SUB1: variants seen among roughly 807,000 people sequenced by gnomAD.
The protein encoded by SUB1 is activated RNA polymerase II transcriptional coactivator p15.
In SUB1, 1 loss-of-function variant was observed where a neutral mutation model predicts 16.9. The observed-to-expected ratio is 0.06, with a 90% confidence interval of 0.02 to 0.28. The LOEUF (loss-of-function observed/expected upper bound fraction) is 0.28. SUB1 is among the 10% of genes least tolerant of loss of function. SUB1 has a pLI of 1.00. For missense variants in SUB1, 84 were observed against 145.2 expected (o/e 0.58, Z 2.16); for synonymous variants, 51 against 46.9 (o/e 1.09, Z -0.36).
rs1739121241 is a variant in SUB1 at position 32,601,795 on chromosome 5, C to T, written c.*711C>T. 6.5e-6 allele frequency: 1 copy of T among 154,856 alleles called. No homozygotes were observed. The highest frequency in any genetic ancestry group is 6.3e-5 in the Admixed American group (1 of 15,846). 9.6% of individuals were successfully genotyped at this position (154,856 alleles called of 1,614,324 possible). ...GAAAACTGAGCAGGTGTTTGTTTAC[C>T]CATAGTGTTCTGTGTAGTTATTGCT... On this transcript the variant is annotated 3_prime_UTR_variant, in exon 5 of 5. Coordinates refer to ENST00000265073, the MANE Select transcript of SUB1 (RefSeq NM_006713.4).
rs1019282470 is a variant in SUB1 at position 32,603,814 on chromosome 5, T to G, written c.*2730T>G. ...GTTTGAAATTTTTAAAAAGTAAAAG[T>G]ACTTAAATTTAGGTATCTCTCCTGA... On this transcript the variant is annotated 3_prime_UTR_variant, in exon 5 of 5. Transcript: ENST00000265073. The G allele has an allele frequency of 7.2e-5, 11 of 152,204 alleles. No individual in the cohort carries two copies. The highest frequency in any genetic ancestry group is 2.4e-4 in the African/African-American group (10 of 41,458). 9.4% of individuals were successfully genotyped at this position (152,204 alleles called of 1,614,324 possible).
intron 3 of SUB1, chr5:32,597,228 A>C (rs980770487): frequency 6.6e-6 from 1 of 152,170 alleles, no homozygotes; most frequent in African/African-American, 2.4e-5. Flanking sequence ...CTCTGTGGCC[A>C]TTAAACAACA....
intron 2 of SUB1, among the ~76,000 whole-genome samples, chr5:32,590,514 G>C (rs1448667936): frequency 6.7e-6 from 1 of 148,480 alleles, no homozygotes; most frequent in Non-Finnish European, 1.5e-5. Flanking sequence ...TTTTTGTAAT[G>C]AGGAAGTTCT....
At position 32,591,670 on chromosome 5, in the gene SUB1, T is replaced by G; in HGVS notation, c.180T>G (p.Asp60Glu). The G allele has an allele frequency of 6.4e-7, 1 of 1,573,230 alleles. No homozygotes were observed. The highest frequency in any genetic ancestry group is 1.2e-5 in the South Asian group (1 of 83,044). The part of the protein sequence containing the change: ...SSSKQSSSSR[D>E]DNMFQIGKMR... ...CTAAACAGAGCAGCAGCAGCAGAGA[T>G]GATAACATGTTTCAGGTAAAGTTGG... Residue 60 changes from aspartate to glutamate, a missense_variant, in exon 3 of 5, where the codon GAT becomes GAG. This residue lies in a region of SUB1 where 60 missense variants were observed against 64.9 expected (regional missense o/e 0.92). Coordinates refer to ENST00000265073, the MANE Select transcript of SUB1 (RefSeq NM_006713.4).
chr5:32,598,852 T>A, intron 3 of SUB1, 109 bp from the exon 4 acceptor site: 1 of 805,000 alleles, frequency 1.2e-6, no homozygotes, highest in African/African-American at 1.7e-5. Context: ...GTAGTCATTT[T>A]CATGATTAGA....
chr5:32,597,964 T>C (rs1227794628), intron 3 of SUB1: 3 of 152,210 alleles, frequency 2.0e-5, no homozygotes, highest in Non-Finnish European at 2.9e-5. Flanking sequence ...TTATAAGATA[T>C]GTCATCTGTT....
rs571576530 is a variant in SUB1 at position 32,590,684 on chromosome 5, G to A, written c.73-879G>A. Among the ~76,000 whole-genome samples, 313 of 142,248 alleles carry A rather than the reference G, an allele frequency of 2.2e-3. 1 individual carries two copies. The highest frequency in any genetic ancestry group is 3.7e-3 in the Admixed American group (52 of 13,992). The allele number at this position is 142,248 out of a possible 152,430, so 93.3% of individuals were successfully genotyped here. A position where few individuals can be genotyped will look rare whatever the true frequency, so the allele number is the denominator to read the frequency against. On this transcript the variant is annotated intron_variant, in intron 2 of 4. Coordinates refer to ENST00000265073, the MANE Select transcript of SUB1 (RefSeq NM_006713.4). ...GATCTCGGCTCACTGCAACCTTCGC[G>A]TCCCGGGTTCAAGCGATTCTCCTGC... is the stretch of plus-strand genomic sequence containing the variant.
intron 3 of SUB1, chr5:32,597,793 C>T (rs1414281788): frequency 1.3e-5 from 2 of 152,084 alleles, no homozygotes; most frequent in Non-Finnish European, 2.9e-5. Flanking sequence ...GTAACATAAA[C>T]AGTTAACATA....
intron 1 of SUB1, 126 bp from the exon 2 acceptor site, chr5:32,588,384 CAG>C: frequency 1.3e-6 from 1 of 789,092 alleles, no homozygotes. Flanking sequence ...TGTAACAACT[CAG>C]TACCACAAAA....
In SUB1 at chr5:32,603,851, G is replaced by A. The variant is rs1739174548; in HGVS notation, c.*2767G>A. 1 of 151,338 alleles carries A rather than the reference G, an allele frequency of 6.6e-6. No homozygotes were observed. The highest frequency in any genetic ancestry group is 1.5e-5 in the Non-Finnish European group (1 of 67,866). 9.4% of individuals were successfully genotyped at this position (151,338 alleles called of 1,614,324 possible). On this transcript the variant is annotated 3_prime_UTR_variant, in exon 5 of 5. Coordinates refer to ENST00000265073, the MANE Select transcript of SUB1 (RefSeq NM_006713.4). ...GGTATCTCTCCTGAAATTCTTTGCA[G>A]TTCATTTTTTATGGCAGTTAATCCA...
At chr5:32,595,416 A>G (rs192919534) in intron 3 of SUB1, 4 of 152,342 alleles carry the variant, frequency 2.6e-5, no homozygotes, top group Admixed American at 6.5e-5. Flanking sequence ...AGAACTTTGT[A>G]TAAATGGATA....
At chr5:32,599,100 G>A (rs377493900) in intron 4 of SUB1, 31 bp downstream of exon 4, 14 of 1,554,314 alleles carry the variant, frequency 9.0e-6, no homozygotes, top group African/African-American at 2.7e-5. Flanking sequence ...TTTTATTACA[G>A]TGTTAGGACT....
At chr5:32,590,117 A>G (rs1579510690) in intron 2 of SUB1, among the ~76,000 whole-genome samples, 1 of 152,334 alleles carries the variant, frequency 6.6e-6, no homozygotes, top group Non-Finnish European at 1.5e-5. Context: ...GGGAATACTT[A>G]GAGCCTGATT....
chr5:32,593,093 A>G (rs543608817), intron 3 of SUB1, among the ~76,000 whole-genome samples: 5 of 152,164 alleles, frequency 3.3e-5, no homozygotes, highest in African/African-American at 9.6e-5. Flanking sequence ...GCTCACTGCA[A>G]CTTCCGCTTC....
intron 3 of SUB1, chr5:32,594,502 T>G (rs1561035287): frequency 2.5e-6 from 1 of 400,984 alleles, no homozygotes; most frequent in Non-Finnish European, 5.0e-6. Flanking sequence ...TTATAACTGG[T>G]CATTTTAATC....
chr5:32,602,875 CAT>C lies in SUB1; in HGVS notation c.*1792_*1793del, dbSNP rs1295330752. 6.6e-6 allele frequency: 1 copy of C among 152,010 alleles called. No homozygotes were observed. The highest frequency in any genetic ancestry group is 1.5e-5 in the Non-Finnish European group (1 of 67,978). 9.4% of individuals were successfully genotyped at this position (152,010 alleles called of 1,614,324 possible). A position where few individuals can be genotyped will look rare whatever the true frequency, so the allele number is the denominator to read the frequency against. On this transcript the variant is annotated 3_prime_UTR_variant, in exon 5 of 5. Transcript: ENST00000265073. The stretch of plus-strand genomic sequence containing the variant: ...GTAACTTCCCTCCTTTTTTGGGGAA[CAT>C]GTTTGTGTCCTATTAACTTAATTGG...
intron 2 of SUB1, among the ~76,000 whole-genome samples, chr5:32,590,313 A>G (rs1738786590): frequency 6.6e-6 from 1 of 152,040 alleles, no homozygotes; most frequent in Admixed American, 6.5e-5. Flanking sequence ...TAAAATATTT[A>G]TACTATTCCA....
rs945103644 is a variant in SUB1, at chr5:32,602,751, C to T, written c.*1667C>T. On this transcript the variant is annotated 3_prime_UTR_variant, in exon 5 of 5. Coordinates refer to ENST00000265073, the MANE Select transcript of SUB1 (RefSeq NM_006713.4). ...TTTAGCCTTCATCGAATAATAGGTACCAGTGTATTAAAAATGTGTATTTTT... is the reference window on the plus strand; with the variant it reads ...TTTAGCCTTCATCGAATAATAGGTATCAGTGTATTAAAAATGTGTATTTTT... The T allele has an allele frequency of 6.5e-6, 1 of 153,326 alleles. No homozygotes were observed. The highest frequency in any genetic ancestry group is 2.0e-4 in the South Asian group (1 of 4,946). 9.5% of individuals were successfully genotyped at this position (153,326 alleles called of 1,614,324 possible).
At chr5:32,588,647 G>A in intron 2 of SUB1, 63 bp downstream of exon 2, 1 of 1,503,300 alleles carries the variant, frequency 6.7e-7, no homozygotes, top group Non-Finnish European at 9.1e-7. Context: ...ATCCCATTCT[G>A]AAGGATAGTA....
Sources: allele counts gnomAD v4.1 joint callset (sites outside exome capture counted in the v4.1 genomes callset), GRCh38; gene constraint gnomAD v4.1.1; regional missense constraint gnomAD v4.1.1; transcripts MANE v1.5; gene names NCBI Gene and HGNC (gene_info 2026-07-23, HGNC 2026-07-21).